ABHD3: variants seen among roughly 807,000 people sequenced by gnomAD.
ABHD3 encodes the protein phospholipase ABHD3.
Under a neutral mutation model 48.8 loss-of-function variants are expected in ABHD3, and 46 were observed. The observed-to-expected ratio is 0.94, with a 90% CI of 0.74 to 1.20. The LOEUF (loss-of-function observed/expected upper bound fraction) is 1.20, where lower values mean the gene tolerates loss of function less well. ABHD3 is among the 50% of genes most tolerant of loss of function. The pLI is 0.00. For missense variants in ABHD3, 490 were observed against 497.8 expected (o/e 0.98, Z 0.15); for synonymous variants, 192 against 183.7 (o/e 1.04, Z -0.36).
In ABHD3 at chr18:21,651,746, C is replaced by A; in HGVS notation, c.1075G>T (p.Ala359Ser). ...AAAGCAACATTAGGATTTTGCTTAG[C>A]AGTTTCTATTGGAATAGCTTCAGAC... is the stretch of plus-strand genomic sequence containing the variant. ...SPSHAIPIET[A>S]KQNPNVALVL... The change falls in exon 9 of 9, where the codon GCT becomes TCT. Residue 359 changes from alanine to serine, a missense_variant. By Grantham distance (99) the Ala-to-Ser change is moderately conservative. Coordinates refer to ENST00000289119, the MANE Select transcript of ABHD3 (RefSeq NM_138340.5). 1 of 1,567,830 alleles carries A rather than the reference C, an allele frequency of 6.4e-7. No individual in the cohort carries two copies. The highest frequency in any genetic ancestry group is 8.7e-7 in the Non-Finnish European group (1 of 1,155,144).
chr18:21,678,260 A>G (rs1300278025), intron 4 of ABHD3, among the ~76,000 whole-genome samples: 2 of 152,190 alleles, frequency 1.3e-5, no homozygotes, highest in Non-Finnish European at 2.9e-5. Context: ...TGGCTCATGT[A>G]TAAGTTATTG....
intron 3 of ABHD3, among the ~76,000 whole-genome samples, chr18:21,696,586 A>G (rs1048769024): frequency 2.0e-5 from 3 of 152,230 alleles, no homozygotes; most frequent in African/African-American, 7.2e-5. Flanking sequence ...AATGAATGGT[A>G]AAGTTTCTAA....
At chr18:21,680,506 C>A (rs934628626) in intron 4 of ABHD3, among the ~76,000 whole-genome samples, 1 of 152,124 alleles carries the variant, frequency 6.6e-6, no homozygotes, top group Non-Finnish European at 1.5e-5. Flanking sequence ...GCTACATAAA[C>A]CCAAGCTGCC....
intron 3 of ABHD3, chr18:21,701,862 G>A (rs2040520530): frequency 6.6e-6 from 1 of 152,440 alleles, no homozygotes; most frequent in African/African-American, 2.4e-5. Context: ...GATAAATAGG[G>A]ACAACCTACA....
Position 21,704,624 on chromosome 18 carries a change from C to T in ABHD3, c.42G>A (p.Glu14=). The T allele has an allele frequency of 6.5e-7, 1 of 1,548,944 alleles. No homozygotes were observed. The highest frequency in any genetic ancestry group is 1.2e-5 in the South Asian group (1 of 83,558). The change falls in exon 1 of 9, where the codon GAG becomes GAA. Residue 14 remains glutamate (E), a synonymous_variant. Transcript: ENST00000289119. ...LAMDLRMLSR[E]LSLYLEHQVR... ...CTTGGTGTTCCAGGTAGAGGGAGAG[C>T]TCCCGGGACAACATCCGCAGGTCCA... is the stretch of plus-strand genomic sequence containing the variant.
chr18:21,657,681 C>T (rs1022455263), intron 6 of ABHD3, among the ~76,000 whole-genome samples: 3 of 152,024 alleles, frequency 2.0e-5, no homozygotes, highest in Non-Finnish European at 4.4e-5. Context: ...TTAATGTCAA[C>T]TTCCAGGATA....
chr18:21,663,764 A>G (rs1325435367), intron 5 of ABHD3: 1 of 1,535,424 alleles, frequency 6.5e-7, no homozygotes, highest in Admixed American at 2.0e-5. Flanking sequence ...AAGTCATGCT[A>G]CAAGTTCAGC....
chr18:21,684,257 C>G (rs898222109), intron 3 of ABHD3, among the ~76,000 whole-genome samples: 15 of 151,646 alleles, frequency 9.9e-5, no homozygotes, highest in African/African-American at 3.1e-4. Context: ...ACGTGGGCCT[C>G]CAACAAGTGT....
chr18:21,692,520 A>AT (rs199709917), intron 3 of ABHD3, among the ~76,000 whole-genome samples: 1 of 144,804 alleles, frequency 6.9e-6, no homozygotes, highest in Non-Finnish European at 1.5e-5. Context: ...GGCCCTATGA[A>AT]TTTTTTTAAA....
intron 3 of ABHD3, among the ~76,000 whole-genome samples, chr18:21,691,608 C>T (rs2040253645): frequency 1.3e-5 from 2 of 152,200 alleles, no homozygotes; most frequent in Non-Finnish European, 2.9e-5. Context: ...TCATGATTAT[C>T]ATATGGTAAT....
In ABHD3 at chr18:21,659,311, C is replaced by A; in HGVS notation, c.701G>T (p.Gly234Val). Residue 234 changes from glycine (G) to valine (V), a missense_variant, in exon 6 of 9, where the codon GGG (glycine) becomes GTG (valine). By Grantham distance (109) the Gly-to-Val change is moderately radical (BLOSUM62 -3). Coordinates refer to ENST00000289119, the MANE Select transcript of ABHD3 (RefSeq NM_138340.5). ...MLLLNYLGKI[G>V]SKTPLMAAAT... Reference sequence around the variant, plus strand: ...AGCTGCCATCAAAGGCGTTTTGGACCCAATTTTGCCCAAGTAATTTAGAAG... The same window carrying A: ...AGCTGCCATCAAAGGCGTTTTGGACACAATTTTGCCCAAGTAATTTAGAAG... The A allele has an allele frequency of 4.3e-6, 7 of 1,609,574 alleles. No homozygotes were observed. The highest frequency in any genetic ancestry group is 5.9e-6 in the Non-Finnish European group (7 of 1,178,700).
At chr18:21,696,199 A>G (rs1242801965) in intron 3 of ABHD3, among the ~76,000 whole-genome samples, 2 of 147,636 alleles carry the variant, frequency 1.4e-5, no homozygotes, top group Non-Finnish European at 3.0e-5. Flanking sequence ...ACTGGAGTGC[A>G]GTGGCGCGAT....
intron 4 of ABHD3, among the ~76,000 whole-genome samples, chr18:21,668,200 C>CAAAAAAAAAAAAAAAAAAAA (rs747590942): frequency 8.0e-4 from 49 of 61,314 alleles, no homozygotes; most frequent in African/African-American, 2.3e-3. Context: ...GAATCTATCT[C>CAAAAAAAAAAAAAAAAAAAA]AAAAAAAAAA....
intron 8 of ABHD3, among the ~76,000 whole-genome samples, chr18:21,653,374 C>T (rs951587872): frequency 6.6e-6 from 1 of 151,456 alleles, no homozygotes; most frequent in Non-Finnish European, 1.5e-5. Flanking sequence ...GTCTAGAACT[C>T]CTGACCTCAA....
At chr18:21,677,661 T>C (rs2039915420) in intron 4 of ABHD3, among the ~76,000 whole-genome samples, 1 of 152,018 alleles carries the variant, frequency 6.6e-6, no homozygotes, top group African/African-American at 2.4e-5. Context: ...GTTTTTTTAC[T>C]TTTTTGTTTT....
chr18:21,693,972 AC>A (rs1346304521), intron 3 of ABHD3, among the ~76,000 whole-genome samples: 3 of 152,212 alleles, frequency 2.0e-5, no homozygotes, highest in South Asian at 2.1e-4. Flanking sequence ...TAGACTCTCC[AC>A]CCCTGTCCCC....
chr18:21,698,029 A>G (rs1159915224), intron 3 of ABHD3, among the ~76,000 whole-genome samples: 1 of 152,066 alleles, frequency 6.6e-6, no homozygotes, highest in Admixed American at 6.6e-5. Flanking sequence ...ACAGGATGGC[A>G]AGTGCACCCT....
chr18:21,662,321 G>C (rs1467582255), intron 5 of ABHD3: 1 of 152,094 alleles, frequency 6.6e-6, no homozygotes, highest in African/African-American at 2.4e-5. Flanking sequence ...TAGCCAGGCT[G>C]GTCTCGGACT....
chr18:21,683,177 C>CCAA (rs61253620), intron 4 of ABHD3, among the ~76,000 whole-genome samples: 51,194 of 151,806 alleles, frequency 0.34, 12,625 homozygotes, highest in African/African-American at 0.67. Context: ...TTGCCTTTGA[C>CCAA]CTGTTGAGAT....
Sources: gnomAD v4.1 joint callset for allele counts (sites outside exome capture counted in the v4.1 genomes callset) on GRCh38, gnomAD v4.1.1 for gene constraint, MANE v1.5 for transcripts, NCBI Gene and HGNC (gene_info 2026-07-23, HGNC 2026-07-21) for gene names.